Variants in LYPLAL1 observed in about 807,000 individuals in gnomAD.
The protein encoded by LYPLAL1 is lysophospholipase-like protein 1.
LYPLAL1 carries 23 observed loss-of-function variants against 19.7 expected under a neutral mutation model. The observed-to-expected ratio is 1.17, with a 90% CI of 0.84 to 1.65. The LOEUF (loss-of-function observed/expected upper bound fraction) is 1.65, where lower values mean the gene tolerates loss of function less well. LYPLAL1 is among the 40% of genes most tolerant of loss of function. The pLI, the probability that LYPLAL1 is intolerant of heterozygous loss-of-function variation, is 0.00. For synonymous variants in LYPLAL1, 119 were observed against 96.3 expected (o/e 1.24, Z -1.38); for missense variants, 355 against 279.4 (o/e 1.27, Z -1.93).
the LYPLAL1 span, among the ~76,000 whole-genome samples, chr1:219,304,351 C>G: frequency 2.2e-4 from 33 of 152,208 alleles, no homozygotes; most frequent in Non-Finnish European, 1.5e-4. Flanking sequence ...CAGACAGAGT[C>G]ACTGAAAAAT....
At chr1:219,418,347 C>T in the LYPLAL1 span, among the ~76,000 whole-genome samples, 23 of 152,308 alleles carry the variant, frequency 1.5e-4, no homozygotes, top group East Asian at 4.2e-3. Flanking sequence ...CACAAAGCCA[C>T]CCTACCCGTG....
chr1:219,185,489 T>C (rs1376421740), intron 2 of LYPLAL1, among the ~76,000 whole-genome samples: 2 of 152,036 alleles, frequency 1.3e-5, no homozygotes, highest in African/African-American at 4.8e-5. Context: ...TTTCTTTCTT[T>C]TTATTTATGT....
At chr1:219,334,047 A>G in the LYPLAL1 span, among the ~76,000 whole-genome samples, 1 of 152,050 alleles carries the variant, frequency 6.6e-6, no homozygotes, top group East Asian at 1.9e-4. Flanking sequence ...AAAGACTTCA[A>G]ATGAAGCCTT....
the LYPLAL1 span, among the ~76,000 whole-genome samples, chr1:219,423,399 G>T: frequency 6.6e-6 from 1 of 152,196 alleles, no homozygotes; most frequent in African/African-American, 2.4e-5. Flanking sequence ...CTTGAAGAGG[G>T]TGAATGTGTT....
chr1:219,283,470 A>T, the LYPLAL1 span, among the ~76,000 whole-genome samples: 1 of 152,174 alleles, frequency 6.6e-6, no homozygotes, highest in Admixed American at 6.5e-5. Context: ...GGGGAGCAGG[A>T]CCCAGGTGTG....
At chr1:219,218,664 G>A in the LYPLAL1 span, among the ~76,000 whole-genome samples, 2 of 152,000 alleles carry the variant, frequency 1.3e-5, no homozygotes, top group African/African-American at 4.8e-5. Flanking sequence ...CAAGACAGCC[G>A]ATTCACCAGC....
the LYPLAL1 span, among the ~76,000 whole-genome samples, chr1:219,404,640 G>A: frequency 6.6e-6 from 1 of 152,178 alleles, no homozygotes; most frequent in African/African-American, 2.4e-5. Flanking sequence ...GGAAATCAAA[G>A]AGATGTTGGT....
chr1:219,216,680 CG>C (rs1285478793), downstream of LYPLAL1, among the ~76,000 whole-genome samples: 1 of 152,016 alleles, frequency 6.6e-6, no homozygotes, highest in African/African-American at 2.4e-5. Context: ...TGAAGAATTG[CG>C]GGGGCACCTC....
chr1:219,297,722 G>C, the LYPLAL1 span, among the ~76,000 whole-genome samples: 1 of 152,190 alleles, frequency 6.6e-6, no homozygotes, highest in Non-Finnish European at 1.5e-5. Flanking sequence ...TCCTTGAACA[G>C]ACTGCAAGTT....
chr1:219,332,138 C>T, the LYPLAL1 span, among the ~76,000 whole-genome samples: 1 of 152,182 alleles, frequency 6.6e-6, no homozygotes, highest in Non-Finnish European at 1.5e-5. Flanking sequence ...TCTGCTCCCT[C>T]TTTCTTGAAA....
the LYPLAL1 span, among the ~76,000 whole-genome samples, chr1:219,244,891 G>A: frequency 1.5e-5 from 2 of 132,856 alleles, no homozygotes; most frequent in African/African-American, 5.6e-5. Context: ...AGGTTGCAGT[G>A]AGATGAGATC....
At chr1:219,263,659 G>T in the LYPLAL1 span, among the ~76,000 whole-genome samples, 3 of 152,128 alleles carry the variant, frequency 2.0e-5, no homozygotes, top group African/African-American at 4.8e-5. Context: ...ATAGAGTCAG[G>T]GATGGCTTCC....
the LYPLAL1 span, among the ~76,000 whole-genome samples, chr1:219,398,752 G>A: frequency 6.6e-6 from 1 of 152,158 alleles, no homozygotes; most frequent in Non-Finnish European, 1.5e-5. Context: ...CGATGACCTC[G>A]AGGGTTTGAT....
chr1:219,204,125 A>G (rs544191091), intron 3 of LYPLAL1, among the ~76,000 whole-genome samples: 31 of 152,312 alleles, frequency 2.0e-4, no homozygotes, highest in Middle Eastern at 3.4e-3. Context: ...TCTGCACATT[A>G]GGAATATAAG....
chr1:219,408,247 T>C, the LYPLAL1 span, among the ~76,000 whole-genome samples: 3 of 152,162 alleles, frequency 2.0e-5, no homozygotes, highest in African/African-American at 7.2e-5. Context: ...CTCTGTGATG[T>C]TGAGAGCAAT....
chr1:219,229,295 GA>G, the LYPLAL1 span, among the ~76,000 whole-genome samples: 4 of 614 alleles, frequency 6.5e-3, no homozygotes, highest in Non-Finnish European at 0.047. Flanking sequence ...CAAGCATTTT[GA>G]GAGAGAGAGA....
the LYPLAL1 span, among the ~76,000 whole-genome samples, chr1:219,248,258 T>G: frequency 6.6e-6 from 1 of 152,132 alleles, no homozygotes; most frequent in Non-Finnish European, 1.5e-5. Flanking sequence ...ATATATCACT[T>G]TATAATAAAT....
At chr1:219,333,746 G>A in the LYPLAL1 span, among the ~76,000 whole-genome samples, 1 of 152,014 alleles carries the variant, frequency 6.6e-6, no homozygotes, top group Non-Finnish European at 1.5e-5. Context: ...CTCGTTCTCA[G>A]GTCTAGCTTT....
At chr1:219,423,280 T>C in the LYPLAL1 span, among the ~76,000 whole-genome samples, 7,058 of 152,180 alleles carry the variant, frequency 0.046, 547 homozygotes, top group African/African-American at 0.16. Context: ...GGCCGATATC[T>C]CCACCCAAAA....
Sources: allele counts gnomAD v4.1 joint callset (sites outside exome capture counted in the v4.1 genomes callset), GRCh38; gene constraint gnomAD v4.1.1; transcripts MANE v1.5; gene names NCBI Gene and HGNC (gene_info 2026-07-23, HGNC 2026-07-21).